Variants in KCND2 observed in about 807,000 individuals in gnomAD.
KCND2 encodes A-type voltage-gated potassium channel KCND2.
Under a neutral mutation model 54.4 loss-of-function variants are expected in KCND2, and 16 were observed. The ratio of observed to expected loss-of-function variants is 0.29; its 90% confidence interval spans 0.20 to 0.45. The LOEUF (loss-of-function observed/expected upper bound fraction) is 0.45, where lower values mean the gene tolerates loss of function less well. Ranked by LOEUF, KCND2 falls within the 20% of genes least tolerant of loss-of-function variation. The pLI, the probability that KCND2 is intolerant of heterozygous loss-of-function variation, is 1.00. For synonymous variants in KCND2, 317 were observed against 310.7 expected, an observed-to-expected ratio of 1.02 and a Z score of -0.21; for missense variants, 486 against 824.2, an observed-to-expected ratio of 0.59 and a Z score of 5.02.
At chr7:120,624,677 C>T (rs982177170) in intron 1 of KCND2, among the ~76,000 whole-genome samples, 4 of 151,256 alleles carry the variant, frequency 2.6e-5, no homozygotes, top group Non-Finnish European at 5.9e-5. Context: ...GCTAATTTGG[C>T]GGCTGAGGTG....
chr7:120,325,831 G>T (rs1468467666), intron 1 of KCND2, among the ~76,000 whole-genome samples: 2 of 152,022 alleles, frequency 1.3e-5, no homozygotes, highest in Non-Finnish European at 2.9e-5. Flanking sequence ...GGCATTGATG[G>T]GTACTGCTAT....
chr7:120,550,596 T>G (rs1792094178), intron 1 of KCND2, among the ~76,000 whole-genome samples: 1 of 152,092 alleles, frequency 6.6e-6, no homozygotes, highest in Non-Finnish European at 1.5e-5. Flanking sequence ...CAGGAAATGG[T>G]TTTACAAGCC....
At chr7:120,445,060 G>A (rs1261465503) in intron 1 of KCND2, among the ~76,000 whole-genome samples, 1 of 151,924 alleles carries the variant, frequency 6.6e-6, no homozygotes, top group African/African-American at 2.4e-5. Context: ...CTTCACACAT[G>A]GTACTTACAG....
chr7:120,553,821 GT>G (rs1562871617), intron 1 of KCND2, among the ~76,000 whole-genome samples: 1 of 152,172 alleles, frequency 6.6e-6, no homozygotes, highest in African/African-American at 2.4e-5. Context: ...TTTCTAGCAG[GT>G]TTTTACACCC....
At chr7:120,487,927 C>G (rs1584798477) in intron 1 of KCND2, among the ~76,000 whole-genome samples, 1 of 151,968 alleles carries the variant, frequency 6.6e-6, no homozygotes, top group South Asian at 2.1e-4. Context: ...ATGCCTGTAA[C>G]CCTAGCACTT....
chr7:120,545,002 C>T (rs1792026275), intron 1 of KCND2, among the ~76,000 whole-genome samples: 1 of 151,832 alleles, frequency 6.6e-6, no homozygotes. Context: ...CTAGTAGTTC[C>T]TTCTTGCTCC....
intron 1 of KCND2, among the ~76,000 whole-genome samples, chr7:120,579,844 C>G (rs1792493017): frequency 6.6e-6 from 1 of 152,006 alleles, no homozygotes; most frequent in Non-Finnish European, 1.5e-5. Context: ...CAATTTTTCT[C>G]TGTTAAGTAT....
chr7:120,400,877 C>T (rs1033495275), intron 1 of KCND2, among the ~76,000 whole-genome samples: 9 of 151,552 alleles, frequency 5.9e-5, no homozygotes, highest in Non-Finnish European at 7.4e-5. Context: ...ATTCAGATAA[C>T]CTTTAGCAAA....
intron 1 of KCND2, among the ~76,000 whole-genome samples, chr7:120,520,193 A>T (rs1791670237): frequency 6.6e-6 from 1 of 152,092 alleles, no homozygotes; most frequent in Non-Finnish European, 1.5e-5. Flanking sequence ...TTTATGTGTA[A>T]TATTTATGTA....
At chr7:120,699,073 G>A (rs56102548) in intron 1 of KCND2, among the ~76,000 whole-genome samples, 42,739 of 151,842 alleles carry the variant, frequency 0.28, 6,525 homozygotes, top group East Asian at 0.44. Context: ...GAGGTCAGGA[G>A]ATCGAGACCA....
At chr7:120,377,087 A>G (rs1271387929) in intron 1 of KCND2, among the ~76,000 whole-genome samples, 1 of 151,934 alleles carries the variant, frequency 6.6e-6, no homozygotes, top group Non-Finnish European at 1.5e-5. Flanking sequence ...AATTGGGTTC[A>G]AATTCTGACT....
intron 1 of KCND2, among the ~76,000 whole-genome samples, chr7:120,677,610 T>G (rs1179992411): frequency 4.6e-5 from 7 of 151,050 alleles, no homozygotes; most frequent in African/African-American, 1.7e-4. Context: ...CTAATTTAAC[T>G]GTTACTTTAA....
chr7:120,564,340 T>C (rs1005737107), intron 1 of KCND2, among the ~76,000 whole-genome samples: 6 of 152,124 alleles, frequency 3.9e-5, no homozygotes, highest in African/African-American at 1.4e-4. Flanking sequence ...AGCTTTCCTA[T>C]CCACATTTTG....
chr7:120,578,727 G>T (rs911663820), intron 1 of KCND2, among the ~76,000 whole-genome samples: 1 of 152,006 alleles, frequency 6.6e-6, no homozygotes, highest in Non-Finnish European at 1.5e-5. Context: ...TTAACCTGGC[G>T]TGGTGGTGTG....
chr7:120,330,065 T>C (rs1800040402), intron 1 of KCND2, among the ~76,000 whole-genome samples: 1 of 152,150 alleles, frequency 6.6e-6, no homozygotes, highest in Non-Finnish European at 1.5e-5. Context: ...CTATAGAGGA[T>C]GTATAGAATA....
intron 1 of KCND2, among the ~76,000 whole-genome samples, chr7:120,665,880 G>A (rs971067562): frequency 1.3e-5 from 2 of 151,990 alleles, no homozygotes; most frequent in Non-Finnish European, 1.5e-5. Flanking sequence ...TAAATCTGCA[G>A]ATGCTCCATT....
At chr7:120,398,622 A>G (rs79998860) in intron 1 of KCND2, among the ~76,000 whole-genome samples, 1,765 of 152,258 alleles carry the variant, frequency 0.012, 18 homozygotes, top group African/African-American at 0.038. Flanking sequence ...AAGATATACA[A>G]TGCAAACAGT....
chr7:120,436,417 G>T (rs1179354260), intron 1 of KCND2, among the ~76,000 whole-genome samples: 1 of 152,194 alleles, frequency 6.6e-6, no homozygotes, highest in African/African-American at 2.4e-5. Context: ...TGCAATATTT[G>T]ATTAATAGGA....
intron 1 of KCND2, among the ~76,000 whole-genome samples, chr7:120,567,066 T>G (rs530405440): frequency 6.6e-6 from 1 of 152,288 alleles, no homozygotes; most frequent in South Asian, 2.1e-4. Flanking sequence ...TTATCAGATT[T>G]ATTTATTTGA....
Sources: gnomAD v4.1 joint callset for allele counts (sites outside exome capture counted in the v4.1 genomes callset) on GRCh38, gnomAD v4.1.1 for gene constraint, MANE v1.5 for transcripts, NCBI Gene and HGNC (gene_info 2026-07-23, HGNC 2026-07-21) for gene names.